CPNE8: variants seen among roughly 807,000 people sequenced by gnomAD.
The protein encoded by CPNE8 is copine-8.
In CPNE8, 45 loss-of-function variants were observed where a neutral mutation model predicts 81.5. The ratio of observed to expected loss-of-function variants is 0.55; its 90% CI spans 0.44 to 0.71. The LOEUF is 0.71. CPNE8 is among the 30% of genes least tolerant of loss of function. The pLI is 0.00. For synonymous variants in CPNE8, 252 were observed against 226.3 expected (o/e 1.11, Z -1.02); for missense variants, 594 against 672.1 (o/e 0.88, Z 1.28).
intron 14 of CPNE8, among the ~76,000 whole-genome samples, chr12:38,701,493 GTTTTA>G (rs1447511843): frequency 6.6e-6 from 1 of 151,854 alleles, no homozygotes; most frequent in Non-Finnish European, 1.5e-5. Flanking sequence ...TTGTTTGTTT[GTTTTA>G]TTTTGTTTTG....
intron 1 of CPNE8, among the ~76,000 whole-genome samples, chr12:38,896,041 C>T (rs1944383791): frequency 6.6e-6 from 1 of 152,056 alleles, no homozygotes; most frequent in African/African-American, 2.4e-5. Context: ...ACATTAACCA[C>T]TTTATACATT....
chr12:38,798,306 C>T (rs1252382288), intron 6 of CPNE8, among the ~76,000 whole-genome samples: 4 of 152,084 alleles, frequency 2.6e-5, no homozygotes, highest in African/African-American at 4.8e-5. Context: ...AGAGAAAGGT[C>T]GGGTTACCCA....
chr12:38,727,189 A>G (rs1291855867), intron 11 of CPNE8, among the ~76,000 whole-genome samples: 1 of 152,182 alleles, frequency 6.6e-6, no homozygotes, highest in African/African-American at 2.4e-5. Flanking sequence ...TCACTCATTC[A>G]AGACAAAGAG....
At chr12:38,883,075 G>A (rs990744613) in intron 1 of CPNE8, among the ~76,000 whole-genome samples, 1 of 152,090 alleles carries the variant, frequency 6.6e-6, no homozygotes, top group Non-Finnish European at 1.5e-5. Flanking sequence ...AGTGCCAGGC[G>A]CTGAGCTGGG....
chr12:38,853,393 T>A (rs1243878707), intron 3 of CPNE8, among the ~76,000 whole-genome samples: 3 of 152,110 alleles, frequency 2.0e-5, no homozygotes, highest in African/African-American at 7.2e-5. Context: ...TGAATATCAA[T>A]AATACTAGAT....
chr12:38,752,086 T>G (rs1941363103), intron 10 of CPNE8, among the ~76,000 whole-genome samples: 1 of 152,222 alleles, frequency 6.6e-6, no homozygotes, highest in Admixed American at 6.5e-5. Flanking sequence ...CTGTGTTTAT[T>G]CCATCTTTTC....
At chr12:38,788,080 G>C (rs1942237579) in intron 6 of CPNE8, among the ~76,000 whole-genome samples, 1 of 148,786 alleles carries the variant, frequency 6.7e-6, no homozygotes. Context: ...TTTTAAAACA[G>C]AGAAGTAGGG....
chr12:38,759,012 T>C lies in CPNE8; in HGVS notation c.722+1835A>G, dbSNP rs181604949. 1.5e-3 allele frequency among the ~76,000 whole-genome samples: 222 copies of C among 152,324 alleles called. 1 individual carries two copies. The highest frequency in any genetic ancestry group is 5.1e-3 in the African/African-American group (210 of 41,584). On this transcript the variant is annotated intron_variant, in intron 10 of 19. Coordinates refer to ENST00000331366, the MANE Select transcript of CPNE8 (RefSeq NM_153634.3). ...GTTAAATTAAAACCATTTCCCAAAC[T>C]TTTAAACCATTTCTCATGTGCCCAA...
At chr12:38,812,361 A>G (rs1025256899) in intron 6 of CPNE8, among the ~76,000 whole-genome samples, 1 of 152,182 alleles carries the variant, frequency 6.6e-6, no homozygotes, top group Admixed American at 6.5e-5. Flanking sequence ...GGTTTAATTG[A>G]CTCACAGTTC....
intron 3 of CPNE8, among the ~76,000 whole-genome samples, chr12:38,857,430 T>C (rs1943759600): frequency 6.6e-6 from 1 of 152,182 alleles, no homozygotes; most frequent in South Asian, 2.1e-4. Context: ...CTATTTTTCT[T>C]GCAAAGTACA....
chr12:38,835,165 A>G (rs141751705), intron 5 of CPNE8, among the ~76,000 whole-genome samples: 2,055 of 152,266 alleles, frequency 0.013, 23 homozygotes, highest in Non-Finnish European at 0.021. Context: ...GATTACAAGC[A>G]TGAGCCACCG....
chr12:38,821,579 G>A (rs750536003), intron 6 of CPNE8, among the ~76,000 whole-genome samples: 1 of 152,136 alleles, frequency 6.6e-6, no homozygotes, highest in Admixed American at 6.6e-5. Flanking sequence ...TCATTCTGAG[G>A]CTTGTCTCTG....
At chr12:38,906,720 G>A (rs1438997016), upstream of CPNE8, 1 of 550,456 alleles carries the variant, frequency 1.8e-6, no homozygotes, top group Non-Finnish European at 2.3e-6. Flanking sequence ...TCCACTGCAG[G>A]GACCTTTGTT....
chr12:38,819,766 C>CA (rs71068584), intron 6 of CPNE8, among the ~76,000 whole-genome samples: 25,806 of 65,224 alleles, frequency 0.4, 5,551 homozygotes, highest in Non-Finnish European at 0.51. Context: ...GACTCCGTCT[C>CA]AAAAAAAAAA....
intron 15 of CPNE8, among the ~76,000 whole-genome samples, chr12:38,687,887 G>A (rs1939569504): frequency 2.0e-5 from 3 of 152,106 alleles, no homozygotes; most frequent in African/African-American, 7.2e-5. Flanking sequence ...AAAACTGGTT[G>A]CATGACTTGG....
At chr12:38,734,744 A>G (rs1387586506) in intron 10 of CPNE8, among the ~76,000 whole-genome samples, 1 of 152,066 alleles carries the variant, frequency 6.6e-6, no homozygotes, top group Non-Finnish European at 1.5e-5. Flanking sequence ...TTAACTTATC[A>G]AAAAGTCACT....
Position 38,829,305 on chromosome 12 carries a change from T to C in CPNE8, c.407+74A>G, listed in dbSNP as rs1943247991. ...CCCACTTTTGCTCCACAACCATGCA[T>C]TCACCAATTCCAAACTGACAAAATA... On this transcript the variant is annotated intron_variant, in intron 6 of 19. Transcript: ENST00000331366. 8.0e-6 allele frequency: 8 copies of C among 996,808 alleles called. No individual in the cohort carries two copies. In the South Asian group the frequency reaches 9.2e-5, roughly 12 times the overall value. 61.7% of individuals were successfully genotyped at this position (996,808 alleles called of 1,614,324 possible).
chr12:38,661,688 C>G, intron 19 of CPNE8, among the ~76,000 whole-genome samples: 1 of 152,082 alleles, frequency 6.6e-6, no homozygotes, highest in East Asian at 1.9e-4. Context: ...CAAAACCAGA[C>G]AAGGACACAA....
At chr12:38,756,757 T>G (rs1941469221) in intron 10 of CPNE8, among the ~76,000 whole-genome samples, 1 of 152,220 alleles carries the variant, frequency 6.6e-6, no homozygotes, top group Non-Finnish European at 1.5e-5. Flanking sequence ...TAAAGTTACT[T>G]ATGATGCATA....
Sources: gnomAD v4.1 joint callset for allele counts (sites outside exome capture counted in the v4.1 genomes callset) on GRCh38, gnomAD v4.1.1 for gene constraint, MANE v1.5 for transcripts, NCBI Gene and HGNC (gene_info 2026-07-23, HGNC 2026-07-21) for gene names.